The following CREBZF variants were observed in gnomAD, a reference collection of about 807,000 sequenced individuals.
The protein encoded by CREBZF is HCF-binding transcription factor Zhangfei.
CREBZF carries 8 observed loss-of-function variants against 21.1 expected under a neutral mutation model. The observed-to-expected ratio is 0.38, with a 90% CI of 0.22 to 0.68. The LOEUF (loss-of-function observed/expected upper bound fraction) is 0.68, where lower values mean the gene tolerates loss of function less well. Ranked by LOEUF, CREBZF falls within the 30% of genes least tolerant of loss-of-function variation. The pLI is 0.51. For synonymous variants in CREBZF, 270 were observed against 223.3 expected (o/e 1.21, Z -1.86); for missense variants, 518 against 484.3 (o/e 1.07, Z -0.65).
Position 85,664,889 on chromosome 11 carries a change from G to A in CREBZF, c.-14C>T, listed in dbSNP as rs1255499224. The A allele has an allele frequency of 6.9e-7, 1 of 1,453,042 alleles. No individual in the cohort carries two copies. The highest frequency in any genetic ancestry group is 9.0e-7 in the Non-Finnish European group (1 of 1,109,526). 90.0% of individuals were successfully genotyped at this position (1,453,042 alleles called of 1,614,324 possible). On this transcript the variant is annotated 5_prime_UTR_variant, in exon 1 of 1. Coordinates refer to ENST00000527447, the MANE Select transcript of CREBZF (RefSeq NM_001039618.4). This position sits in a 1 kb window ranked among gnomAD's most constrained non-coding sequence, Gnocchi z 5.5. ...GCTATGCCTCATGAGGGCCAGCGGC[G>A]GGCCGCGGTAGGCCCCGGCCGCTAA...
At chr11:85,669,798 TTTTGTTTG>T (rs372303126), upstream of CREBZF, among the ~76,000 whole-genome samples, 629 of 152,022 alleles carry the variant, frequency 4.1e-3, 3 homozygotes, top group Middle Eastern at 0.02. Flanking sequence ...ACTAAATGTT[TTTTGTTTG>T]TTTGTTTGTT....
At position 85,660,566 on chromosome 11, in the gene CREBZF, G is replaced by A. The variant is rs1270481558; in HGVS notation, c.*3245C>T. The A allele has an allele frequency of 2.2e-6, 1 of 454,818 alleles. No homozygotes were observed. The highest frequency in any genetic ancestry group is 4.4e-6 in the Non-Finnish European group (1 of 226,164). The allele number at this position is 454,818 out of a possible 1,614,324, so 28.2% of individuals were successfully genotyped here. ...CAGTCCAGTCAGTTAACAGGTTGTA[G>A]GAAAAGATTCGTTTTTGCAGACACT... On this transcript the variant is annotated 3_prime_UTR_variant, in exon 1 of 1. Transcript: ENST00000527447.
upstream of CREBZF, among the ~76,000 whole-genome samples, chr11:85,666,485 G>T (rs2082864770): frequency 6.6e-6 from 1 of 152,146 alleles, no homozygotes; most frequent in Non-Finnish European, 1.5e-5. Context: ...CAAAAAAAGA[G>T]AAATGAATTT....
chr11:85,679,311 A>G (rs1032935789), intron 1 of CREBZF, among the ~76,000 whole-genome samples: 1 of 152,168 alleles, frequency 6.6e-6, no homozygotes, highest in African/African-American at 2.4e-5. Flanking sequence ...ATTGTTCAGC[A>G]TGTTTCTCAT....
At chr11:85,666,160 C>T (rs2082858973), upstream of CREBZF, among the ~76,000 whole-genome samples, 1 of 152,126 alleles carries the variant, frequency 6.6e-6, no homozygotes, top group Admixed American at 6.5e-5. Flanking sequence ...CAAAACATGT[C>T]TTTTATTTTA....
upstream of CREBZF, among the ~76,000 whole-genome samples, chr11:85,667,624 A>T (rs977004377): frequency 1.3e-5 from 2 of 151,982 alleles, no homozygotes; most frequent in Admixed American, 1.3e-4. Context: ...CTAGGGGTGG[A>T]GTTGTAAAGC....
chr11:85,682,827 T>C, exon 1 of CREBZF: 1 of 702,012 alleles, frequency 1.4e-6, no homozygotes. Context: ...GGGCCGCAAT[T>C]TGGGATGGAT....
Position 85,665,041 on chromosome 11 carries a change from CCAAGGCGCGGGGAGGGA to C in CREBZF, c.-183_-167del. Reference sequence around the variant, plus strand: ...TCACTTGGCTAGTCGACCCCCCGCGCCAAGGCGCGGGGAGGGACGGGAGAACGAAGCGGTGAGGCCCT... The same window carrying C: ...TCACTTGGCTAGTCGACCCCCCGCGCCGGGAGAACGAAGCGGTGAGGCCCT... On this transcript the variant is annotated 5_prime_UTR_variant, in exon 1 of 1. Transcript: ENST00000527447. 1 of 466,358 alleles carries C rather than the reference CCAAGGCGCGGGGAGGGA, an allele frequency of 2.1e-6. No individual in the cohort carries two copies. 28.9% of individuals were successfully genotyped at this position (466,358 alleles called of 1,614,324 possible). A position where few individuals can be genotyped will look rare whatever the true frequency, so the allele number is the denominator to read the frequency against.
intron 1 of CREBZF, among the ~76,000 whole-genome samples, chr11:85,675,115 T>A (rs1272714101): frequency 6.6e-6 from 1 of 152,228 alleles, no homozygotes; most frequent in African/African-American, 2.4e-5. Context: ...AAGGATGTTT[T>A]ATTTTCCTAT....
chr11:85,675,899 G>C (rs1191160525), intron 1 of CREBZF, among the ~76,000 whole-genome samples: 1 of 152,124 alleles, frequency 6.6e-6, no homozygotes, highest in African/African-American at 2.4e-5. Context: ...CCGTGTCTAG[G>C]GCACTGTTGG....
chr11:85,673,441 T>C (rs1324339465), intron 1 of CREBZF, among the ~76,000 whole-genome samples: 1 of 152,202 alleles, frequency 6.6e-6, no homozygotes, highest in Non-Finnish European at 1.5e-5. Flanking sequence ...TGTAGTCTAC[T>C]GAGTGTGCAA....
chr11:85,676,970 C>CTTTTTTTTTTTTTTTTTTTTTT (rs1422368391), intron 1 of CREBZF, among the ~76,000 whole-genome samples: 4 of 118,638 alleles, frequency 3.4e-5, no homozygotes, highest in Non-Finnish European at 5.0e-5. Flanking sequence ...CTTTTTCTGT[C>CTTTTTTTTTTTTTTTTTTTTTT]TTTTTTTTTT....
upstream of CREBZF, among the ~76,000 whole-genome samples, chr11:85,665,280 T>G (rs550815842): frequency 2.6e-5 from 4 of 152,332 alleles, no homozygotes; most frequent in African/African-American, 9.6e-5. Flanking sequence ...TCTAGATTTA[T>G]CCACCCTAAT....
intron 1 of CREBZF, among the ~76,000 whole-genome samples, chr11:85,679,688 A>C (rs17810802): frequency 0.035 from 5,336 of 152,310 alleles, 142 homozygotes; most frequent in East Asian, 0.098. Context: ...AATCATTGGG[A>C]GGCATTCTTT....
rs1451250413 is a variant in CREBZF, at chr11:85,663,957, C to G, written c.919G>C (p.Ala307Pro). The G allele has an allele frequency of 6.2e-7, 1 of 1,613,804 alleles. No homozygotes were observed. The highest frequency in any genetic ancestry group is 8.5e-7 in the Non-Finnish European group (1 of 1,180,032). Residue 307 changes from alanine to proline, a missense_variant, in exon 1 of 1, where the codon GCT becomes CCT. This residue lies in a region of CREBZF where 114 missense variants were observed against 134.1 expected (regional missense o/e 0.85). Transcript: ENST00000527447. ...TGCTTCTGCTTTCCCACCGGCAGAGCGTAGTCGTGGTCACCGGCGGGCGAG... is the reference window on the plus strand; with the variant it reads ...TGCTTCTGCTTTCCCACCGGCAGAGGGTAGTCGTGGTCACCGGCGGGCGAG... The part of the protein sequence containing the change: ...RDSPAGDHDY[A>P]LPVGKQKQDL...
chr11:85,677,258 C>T (rs1345359114), intron 1 of CREBZF, among the ~76,000 whole-genome samples: 2 of 152,128 alleles, frequency 1.3e-5, no homozygotes, highest in Non-Finnish European at 2.9e-5. Context: ...AGCCACCACA[C>T]CCGGCTTAAG....
At position 85,663,697 on chromosome 11, in the gene CREBZF, C is replaced by CT. The variant is rs2153322879; in HGVS notation, c.*113dup. 1 of 1,607,130 alleles carries CT rather than the reference C, an allele frequency of 6.2e-7. No homozygotes were observed. The highest frequency in any genetic ancestry group is 8.5e-7 in the Non-Finnish European group (1 of 1,176,634). On this transcript the variant is annotated 3_prime_UTR_variant, in exon 1 of 1. Transcript: ENST00000527447. The stretch of plus-strand genomic sequence containing the variant: ...CTAAACACTTTAAGATTCAATATTA[C>CT]TTTTTTTCTCTCCTCTGAAATGTGT...
Position 85,662,548 on chromosome 11 carries a change from C to T in CREBZF, c.*1263G>A. The T allele has an allele frequency of 1.6e-6, 1 of 638,666 alleles. No homozygotes were observed. The highest frequency in any genetic ancestry group is 2.9e-6 in the Non-Finnish European group (1 of 343,716). 39.6% of individuals were successfully genotyped at this position (638,666 alleles called of 1,614,324 possible). On this transcript the variant is annotated 3_prime_UTR_variant, in exon 1 of 1. Transcript: ENST00000527447. ...AAAGAATTTCTTAATGCCTCTTACA[C>T]TGAAGGACACCATAATTCAATTTAT...
rs752835666 is a variant in CREBZF at position 85,664,195 on chromosome 11, C to T, written c.681G>A (p.Glu227=). ...AARLNRLKKK[E]YVMGLESRVR... ...CTCGACTCTCCAGCCCCATCACGTACTCCTTCTTCTTCAGTCGATTAAGGC... is the reference window on the plus strand; with the variant it reads ...CTCGACTCTCCAGCCCCATCACGTATTCCTTCTTCTTCAGTCGATTAAGGC... Residue 227 remains glutamate (E), a synonymous_variant, in exon 1 of 1, where the codon GAG becomes GAA. Coordinates refer to ENST00000527447, the MANE Select transcript of CREBZF (RefSeq NM_001039618.4). The surrounding 1 kb of genome is among the most constrained non-coding windows in gnomAD (Gnocchi z 5.5). 3 of 1,613,336 alleles carry T rather than the reference C, an allele frequency of 1.9e-6. No individual in the cohort carries two copies. The highest frequency in any genetic ancestry group is 2.5e-6 in the Non-Finnish European group (3 of 1,180,018).
Sources: gnomAD v4.1 joint callset for allele counts (sites outside exome capture counted in the v4.1 genomes callset) on GRCh38, gnomAD v4.1.1 for gene constraint, gnomAD v4.1.1 regional missense constraint, Gnocchi (gnomAD v3.1) non-coding constraint, MANE v1.5 for transcripts, NCBI Gene and HGNC (gene_info 2026-07-23, HGNC 2026-07-21) for gene names.